The following F5 variants were observed in gnomAD, a reference collection of about 807,000 sequenced individuals.
F5 encodes the protein coagulation factor V, also known as activated protein c cofactor.
In F5, 138 loss-of-function variants were observed where a neutral mutation model predicts 216.4. That is an observed-to-expected ratio of 0.64 (90% CI 0.56 to 0.73). The LOEUF is 0.73. Among genes scored for constraint, F5 ranks in the 30% least tolerant of loss-of-function variants. The pLI, the probability that F5 is intolerant of heterozygous loss-of-function variation, is 0.00. For synonymous variants in F5, 916 were observed against 930.7 expected, an observed-to-expected ratio of 0.98 and a Z score of 0.29; for missense variants, 2,403 against 2,674.0, an observed-to-expected ratio of 0.90 and a Z score of 2.24.
Position 169,541,671 on chromosome 1 carries a change from G to C in F5, c.3419C>G (p.Ser1140Cys). 1 of 1,614,154 alleles carries C rather than the reference G, an allele frequency of 6.2e-7. No individual in the cohort carries two copies. Among genetic ancestry groups the C allele is most frequent in the East Asian group, 2.2e-5 (1 of 44,882 alleles). The change falls in exon 13 of 25, where the codon TCT becomes TGT. Residue 1140 changes from serine (S) to cysteine (C), a missense_variant. Around this residue, in one of 4 missense-constraint regions of F5, gnomAD observed 1,425 missense variants for 1,554.8 expected, o/e 0.92. Transcript: ENST00000367797. ...FPIQDPDQMH[S>C]TSDPSHRSSS... ...GGATCTGTGACTGGGGTCTGAAGTA[G>C]AGTGCATTTGATCAGGGTCTTGAAT...
intron 23 of F5, 63 bp downstream of exon 23, chr1:169,518,349 T>A (rs759579691): frequency 5.8e-5 from 91 of 1,579,602 alleles, no homozygotes; most frequent in Middle Eastern, 5.6e-4. Flanking sequence ...ATGTTTGTGG[T>A]AGTGAGGGCC....
At position 169,528,089 on chromosome 1, in the gene F5, T is replaced by C; in HGVS notation, c.5425A>G (p.Asn1809Asp). The change falls in exon 17 of 25, where the codon AAT becomes GAT. Residue 1809 changes from asparagine to aspartate, a missense_variant. Around this residue, in one of 4 missense-constraint regions of F5, gnomAD observed 659 missense variants for 787.9 expected, o/e 0.84. Coordinates refer to ENST00000367797, the MANE Select transcript of F5 (RefSeq NM_000130.5). The stretch of plus-strand genomic sequence containing the variant: ...CCAGGCAAGCTGTAGATCATCCCAT[T>C]AATGGCTGAAAGGACAAAGAGTTGA... ...MKKSHEFHAI[N>D]GMIYSLPGLK... The C allele has an allele frequency of 6.2e-7, 1 of 1,613,798 alleles. No individual in the cohort carries two copies. Among genetic ancestry groups the C allele is most frequent in the Non-Finnish European group, 8.5e-7 (1 of 1,179,760 alleles).
chr1:169,581,180 TA>T (rs979841056), intron 2 of F5, among the ~76,000 whole-genome samples: 1 of 150,996 alleles, frequency 6.6e-6, no homozygotes, highest in African/African-American at 2.4e-5. Context: ...GAAGTGGCAC[TA>T]GAAAAAACAG....
At chr1:169,544,901 C>A (rs1167704349) in intron 11 of F5, among the ~76,000 whole-genome samples, 1 of 152,144 alleles carries the variant, frequency 6.6e-6, no homozygotes, top group Non-Finnish European at 1.5e-5. Flanking sequence ...GAAGTAATGT[C>A]CCTAAAAATA....
At chr1:169,586,183 A>T (rs371125740) in intron 1 of F5, 46 bp downstream of exon 1, 4 of 1,610,130 alleles carry the variant, frequency 2.5e-6, no homozygotes, top group Non-Finnish European at 3.4e-6. Context: ...AAAGAAATAG[A>T]TTTTCCTCTC....
At chr1:169,527,350 T>A (rs1408611678) in intron 17 of F5, among the ~76,000 whole-genome samples, 2 of 152,236 alleles carry the variant, frequency 1.3e-5, no homozygotes, top group African/African-American at 4.8e-5. Flanking sequence ...TGTATAATTG[T>A]AGACTGTTTA....
intron 17 of F5, among the ~76,000 whole-genome samples, 160 bp from the exon 18 acceptor site, chr1:169,526,177 CAA>C (rs1659445697): frequency 6.6e-6 from 1 of 151,994 alleles, no homozygotes; most frequent in Non-Finnish European, 1.5e-5. Flanking sequence ...CAGATAAAAA[CAA>C]AACAATAACA....
At chr1:169,562,647 G>A (rs556484094) in intron 3 of F5, among the ~76,000 whole-genome samples, 4 of 151,574 alleles carry the variant, frequency 2.6e-5, no homozygotes, top group South Asian at 2.1e-4. Context: ...GTGCCCTTCC[G>A]TTTACAATAT....
chr1:169,559,141 C>T lies in F5; in HGVS notation c.730+12G>A. ...TTTACTGTTGTTTAATGGTACACAG[C>T]CCTCGTGTTACCTGGCATTGTCCCA... On this transcript the variant is annotated intron_variant, in intron 5 of 24. Transcript: ENST00000367797. 1 of 1,613,588 alleles carries T rather than the reference C, an allele frequency of 6.2e-7. No individual in the cohort carries two copies.
Position 169,541,060 on chromosome 1 carries a change from T to C in F5, c.4030A>G (p.Ser1344Gly). The change falls in exon 13 of 25, where the codon AGT (serine) becomes GGT (glycine). Residue 1344 changes from serine to glycine, a missense_variant. By Grantham distance (56) the Ser-to-Gly change is moderately conservative (BLOSUM62 0). Coordinates refer to ENST00000367797, the MANE Select transcript of F5 (RefSeq NM_000130.5). The stretch of plus-strand genomic sequence containing the variant: ...AGGGCTGGGGAAAGGTTTGTTTGAC[T>C]GAGTTCTGGAGAGAGGTTTGTCTGG... Reference protein sequence around the residue: ...FSQTNLSPELSQTNLSPALGQ... With the variant: ...FSQTNLSPELGQTNLSPALGQ... The C allele has an allele frequency of 6.2e-7, 1 of 1,600,834 alleles. No homozygotes were observed. Among genetic ancestry groups the C allele is most frequent in the Non-Finnish European group, 8.5e-7 (1 of 1,173,784 alleles).
Position 169,542,867 on chromosome 1 carries a change from G to T in F5, c.2223C>A (p.Asn741Lys), listed in dbSNP as rs201087308. ...AAALGIRSFRNSSLNQEEEEF... is the reference protein window; with the variant it reads ...AAALGIRSFRKSSLNQEEEEF... ...CTTCTTCTTCCTGATTCAATGATGA[G>T]TTTCGGAATGACCTGATTCCTAATG... Residue 741 changes from asparagine to lysine, a missense_variant, in exon 13 of 25, where the codon AAC (asparagine) becomes AAA (lysine). By Grantham distance (94) the Asn-to-Lys change is moderately conservative. Coordinates refer to ENST00000367797, the MANE Select transcript of F5 (RefSeq NM_000130.5). 79 of 1,614,034 alleles carry T rather than the reference G, an allele frequency of 4.9e-5. No individual in the cohort carries two copies. Among genetic ancestry groups the T allele is most frequent in the Non-Finnish European group, 4.8e-5 (57 of 1,180,000 alleles).
chr1:169,539,353 G>T (rs1659777616), intron 13 of F5, among the ~76,000 whole-genome samples: 1 of 152,146 alleles, frequency 6.6e-6, no homozygotes, highest in African/African-American at 2.4e-5. Flanking sequence ...ATAAAAGTGG[G>T]TTGTGAGCCT....
chr1:169,560,464 T>C, intron 4 of F5, 90 bp downstream of exon 4: 1 of 1,283,784 alleles, frequency 7.8e-7, no homozygotes, highest in South Asian at 1.2e-5. Context: ...TACAAGAAGT[T>C]ACCAAGATGC....
chr1:169,581,936 G>A (rs374299132), intron 2 of F5, among the ~76,000 whole-genome samples: 100 of 152,234 alleles, frequency 6.6e-4, no homozygotes, highest in African/African-American at 2.0e-3. Context: ...ATCATTTTGC[G>A]AAGGCACATC....
At chr1:169,577,513 C>G (rs1196573979) in intron 2 of F5, among the ~76,000 whole-genome samples, 1 of 137,680 alleles carries the variant, frequency 7.3e-6, no homozygotes, top group African/African-American at 2.6e-5. Flanking sequence ...CTTAGCCTCC[C>G]CAGTAGCTGA....
chr1:169,567,853 T>G (rs1184388736), intron 3 of F5, among the ~76,000 whole-genome samples: 2 of 152,126 alleles, frequency 1.3e-5, no homozygotes, highest in Non-Finnish European at 2.9e-5. Flanking sequence ...GTTTGACCTC[T>G]AGATTTCTTC....
chr1:169,523,496 T>C, intron 20 of F5, 144 bp from the exon 21 acceptor site: 3 of 979,190 alleles, frequency 3.1e-6, no homozygotes, highest in Admixed American at 4.2e-5. Flanking sequence ...CTACATGCAA[T>C]TCATATTTGG....
chr1:169,577,790 C>A (rs7411437), intron 2 of F5, among the ~76,000 whole-genome samples: 1 of 151,504 alleles, frequency 6.6e-6, no homozygotes, highest in Non-Finnish European at 1.5e-5. Flanking sequence ...ATGACCCCAG[C>A]TGTACTCCCT....
At chr1:169,573,007 G>A (rs1660761728) in intron 2 of F5, among the ~76,000 whole-genome samples, 2 of 151,578 alleles carry the variant, frequency 1.3e-5, no homozygotes, top group South Asian at 4.2e-4. Flanking sequence ...GTGCAGTGAT[G>A]CAATCTCAGG....
Sources: allele counts gnomAD v4.1 joint callset (sites outside exome capture counted in the v4.1 genomes callset), GRCh38; gene constraint gnomAD v4.1.1; regional missense constraint gnomAD v4.1.1; transcripts MANE v1.5; gene names NCBI Gene and HGNC (gene_info 2026-07-23, HGNC 2026-07-21).